Variants in RASGRF2 observed in about 807,000 individuals in gnomAD.
The protein encoded by RASGRF2 is Ras protein specific guanine nucleotide releasing factor 2.
RASGRF2 carries 76 observed loss-of-function variants against 151.0 expected under a neutral mutation model. That is an observed-to-expected ratio of 0.50 (90% CI 0.42 to 0.61). The LOEUF is 0.61. Among genes scored for constraint, RASGRF2 ranks in the 20% least tolerant of loss-of-function variants. The pLI is 0.00. For missense variants in RASGRF2, 1,148 were observed against 1,564.6 expected, an observed-to-expected ratio of 0.73 and a Z score of 4.49; for synonymous variants, 504 against 566.5, an observed-to-expected ratio of 0.89 and a Z score of 1.57.
At chr5:81,187,937 T>A (rs1755067627) in intron 18 of RASGRF2, among the ~76,000 whole-genome samples, 1 of 152,370 alleles carries the variant, frequency 6.6e-6, no homozygotes, top group Non-Finnish European at 1.5e-5. Flanking sequence ...TGTTCATTGT[T>A]CTTGTTCATT....
intron 9 of RASGRF2, chr5:81,087,795 A>G (rs1561602273): frequency 5.6e-6 from 1 of 178,104 alleles, no homozygotes; most frequent in Non-Finnish European, 1.2e-5. Context: ...TTGGAACTCA[A>G]ATTAATCGTT....
chr5:81,103,255 T>C (rs1259184259), intron 12 of RASGRF2, among the ~76,000 whole-genome samples: 1 of 152,032 alleles, frequency 6.6e-6, no homozygotes, highest in Admixed American at 6.5e-5. Context: ...AGGTTATATA[T>C]ATAGGTATGT....
intron 1 of RASGRF2, among the ~76,000 whole-genome samples, chr5:81,011,858 C>G (rs564607349): frequency 6.6e-6 from 1 of 152,032 alleles, no homozygotes; most frequent in Non-Finnish European, 1.5e-5. Context: ...TATCCATTTG[C>G]AAACATACAC....
intron 9 of RASGRF2, among the ~76,000 whole-genome samples, chr5:81,090,842 T>A (rs1752369758): frequency 6.6e-6 from 1 of 152,212 alleles, no homozygotes; most frequent in Non-Finnish European, 1.5e-5. Context: ...ACTAAATTGC[T>A]AGAAGCATTT....
At chr5:81,112,077 ATTTACCTCCTCCATTAT>A (rs1388472436) in intron 13 of RASGRF2, among the ~76,000 whole-genome samples, 2 of 152,124 alleles carry the variant, frequency 1.3e-5, no homozygotes, top group Admixed American at 6.5e-5. Flanking sequence ...ACAAATTATT[ATTTACCTCCTCCATTAT>A]TAATTCTGGC....
intron 18 of RASGRF2, among the ~76,000 whole-genome samples, chr5:81,195,532 G>A (rs1755244357): frequency 6.6e-6 from 1 of 151,150 alleles, no homozygotes. Flanking sequence ...TACATCAGAA[G>A]ATCTAGATTT....
chr5:81,064,870 AAG>A (rs1465678199), intron 2 of RASGRF2, among the ~76,000 whole-genome samples: 2 of 152,220 alleles, frequency 1.3e-5, no homozygotes, highest in African/African-American at 4.8e-5. Context: ...GGCAAAGGAA[AAG>A]AGTTACTGAA....
chr5:81,052,087 A>T (rs879590401), intron 2 of RASGRF2, among the ~76,000 whole-genome samples: 1 of 152,198 alleles, frequency 6.6e-6, no homozygotes, highest in Non-Finnish European at 1.5e-5. Context: ...TTCTTGCTGG[A>T]GAATTTTCTG....
At chr5:81,040,858 G>C (rs77041652) in intron 1 of RASGRF2, among the ~76,000 whole-genome samples, 2,495 of 152,280 alleles carry the variant, frequency 0.016, 29 homozygotes, top group South Asian at 0.036. Flanking sequence ...CATATCCTAA[G>C]GGGCTTGGAA....
Position 81,112,766 on chromosome 5 carries a change from TC to T in RASGRF2, c.1996del (p.Leu666CysfsTer75). 6.2e-7 allele frequency: 1 copy of T among 1,614,242 alleles called. No individual in the cohort carries two copies. The highest frequency in any genetic ancestry group is 8.5e-7 in the Non-Finnish European group (1 of 1,180,042). The part of the protein sequence containing the change: ...FLSIDFLNTF[L>X]HTYRIFTTAA... Reference sequence around the variant, plus strand: ...TTAGTATTGATTTCCTCAACACCTTTCTGCACACCTATCGTATTTTCACTAC... The same window carrying T: ...TTAGTATTGATTTCCTCAACACCTTTTGCACACCTATCGTATTTTCACTAC... On this transcript the variant is annotated frameshift_variant, in exon 14 of 27. Coordinates refer to ENST00000265080, the MANE Select transcript of RASGRF2 (RefSeq NM_006909.3). LOFTEE classifies it high-confidence loss of function.
intron 1 of RASGRF2, among the ~76,000 whole-genome samples, chr5:80,996,888 A>G (rs1033415601): frequency 2.0e-4 from 31 of 151,882 alleles, no homozygotes; most frequent in Non-Finnish European, 3.1e-4. Context: ...TGGTGTATGT[A>G]TTTATAGGCT....
rs554802630 is a variant in RASGRF2, at chr5:80,969,668, A to G, written c.288+8642A>G. ...GGGTTTCACCGTGTTAGCCAGGATG[A>G]TCTCGATCTCCTGACCTCGTGATCC... On this transcript the variant is annotated intron_variant, in intron 1 of 26. Transcript: ENST00000265080. Among the ~76,000 whole-genome samples the G allele has an allele frequency of 6.8e-3, 958 of 141,826 alleles. 6 individuals are homozygous for G. The highest frequency in any genetic ancestry group is 0.02 in the African/African-American group (759 of 38,054). 93.0% of individuals were successfully genotyped at this position (141,826 alleles called of 152,430 possible). A position where few individuals can be genotyped will look rare whatever the true frequency, so the allele number is the denominator to read the frequency against.
At chr5:81,126,097 G>C (rs993032651) in intron 16 of RASGRF2, among the ~76,000 whole-genome samples, 2 of 152,246 alleles carry the variant, frequency 1.3e-5, no homozygotes, top group Non-Finnish European at 2.9e-5. Flanking sequence ...TTAGGGCCAA[G>C]CTAATAAAAG....
intron 15 of RASGRF2, among the ~76,000 whole-genome samples, chr5:81,120,886 G>A (rs1353917469): frequency 6.6e-6 from 1 of 152,236 alleles, no homozygotes; most frequent in Non-Finnish European, 1.5e-5. Context: ...CCCTGCGAAG[G>A]AAACACTCTG....
At chr5:81,133,478 A>T (rs1236433093) in intron 17 of RASGRF2, among the ~76,000 whole-genome samples, 3 of 152,268 alleles carry the variant, frequency 2.0e-5, no homozygotes, top group Non-Finnish European at 4.4e-5. Flanking sequence ...TGCAGTTTGG[A>T]TATAGTTATG....
At chr5:81,188,989 C>T (rs994865159) in intron 18 of RASGRF2, among the ~76,000 whole-genome samples, 2 of 152,232 alleles carry the variant, frequency 1.3e-5, no homozygotes, top group Non-Finnish European at 2.9e-5. Context: ...TTCCCTGTTT[C>T]TCAATCTTTC....
intron 1 of RASGRF2, among the ~76,000 whole-genome samples, chr5:81,000,615 T>G (rs938400756): frequency 6.6e-6 from 1 of 152,184 alleles, no homozygotes; most frequent in Non-Finnish European, 1.5e-5. Context: ...TAATTTATGT[T>G]TTTTTTTCCT....
At chr5:81,224,989 A>G (rs746813859) in intron 26 of RASGRF2, among the ~76,000 whole-genome samples, 1 of 131,910 alleles carries the variant, frequency 7.6e-6, no homozygotes, top group East Asian at 2.1e-4. Context: ...AGATCAAACT[A>G]TCTATTTCAC....
At chr5:81,199,905 A>AG (rs1388843448) in intron 18 of RASGRF2, among the ~76,000 whole-genome samples, 1 of 150,902 alleles carries the variant, frequency 6.6e-6, no homozygotes, top group Non-Finnish European at 1.5e-5. Flanking sequence ...CTCAAAAAAA[A>AG]AAAAAAAAAG....
Sources: allele counts gnomAD v4.1 joint callset (sites outside exome capture counted in the v4.1 genomes callset), GRCh38; gene constraint gnomAD v4.1.1; transcripts MANE v1.5; gene names NCBI Gene and HGNC (gene_info 2026-07-23, HGNC 2026-07-21).